ACYP2: variants seen among roughly 807,000 people sequenced by gnomAD.
The protein encoded by ACYP2 is acylphosphatase 2.
ACYP2 carries 12 observed loss-of-function variants against 11.2 expected under a neutral mutation model. The observed-to-expected ratio is 1.08, with a 90% CI of 0.69 to 1.74. ACYP2 has a LOEUF of 1.74. Among genes scored for constraint, ACYP2 ranks in the 40% most tolerant of loss-of-function variants. The pLI is 0.00. For missense variants in ACYP2, 134 were observed against 101.9 expected, an observed-to-expected ratio of 1.31 and a Z score of -1.35; for synonymous variants, 43 against 32.2, an observed-to-expected ratio of 1.33 and a Z score of -1.13.
chr2:54,033,568 T>C (rs1674709899), intron 2 of ACYP2, among the ~76,000 whole-genome samples: 1 of 152,112 alleles, frequency 6.6e-6, no homozygotes, highest in South Asian at 2.1e-4. Context: ...ATGATGAAAA[T>C]TGTGTGTTAT....
intron 6 of ACYP2, among the ~76,000 whole-genome samples, chr2:54,159,737 G>C (rs1447037414): frequency 6.6e-6 from 1 of 152,024 alleles, no homozygotes; most frequent in African/African-American, 2.4e-5. Flanking sequence ...CAGCACAGTG[G>C]GAAGAGTGCT....
chr2:54,165,533 T>TCACA lies in ACYP2; in HGVS notation c.404+26786_404+26787insACAC, dbSNP rs1326165242. ...CTCTTTCACTCTCTCTCTCTCTCTC[T>TCACA]CTCACACACACACACACACACACAC... On this transcript the variant is annotated intron_variant, in intron 6 of 6. Transcript: ENST00000607452. Among the ~76,000 whole-genome samples the TCACA allele has an allele frequency of 2.4e-3, 299 of 123,718 alleles. 1 individual carries two copies. Among genetic ancestry groups the TCACA allele is most frequent in the Middle Eastern group, 0.02 (5 of 244 alleles). The allele number at this position is 123,718 out of a possible 152,430, so 81.2% of individuals were successfully genotyped here. A position where few individuals can be genotyped will look rare whatever the true frequency, so the allele number is the denominator to read the frequency against.
At chr2:54,073,355 T>C (rs1172409156) in intron 4 of ACYP2, among the ~76,000 whole-genome samples, 1 of 149,456 alleles carries the variant, frequency 6.7e-6, no homozygotes, top group African/African-American at 2.5e-5. Flanking sequence ...AGGGAGACCA[T>C]ACCTAAGGAA....
intron 2 of ACYP2, among the ~76,000 whole-genome samples, chr2:54,033,586 T>G (rs773977269): frequency 6.6e-6 from 1 of 152,158 alleles, no homozygotes; most frequent in Non-Finnish European, 1.5e-5. Context: ...TATATAAGGT[T>G]TTGCCTAATG....
At chr2:54,285,121 A>T (rs544504474) in intron 6 of ACYP2, among the ~76,000 whole-genome samples, 7 of 152,316 alleles carry the variant, frequency 4.6e-5, no homozygotes, top group African/African-American at 1.7e-4. Context: ...ATATGGTGGA[A>T]GGGGCTGACA....
Position 54,233,783 on chromosome 2 carries a change from T to C in ACYP2, c.405-70905T>C, listed in dbSNP as rs148356843. Among the ~76,000 whole-genome samples the C allele has an allele frequency of 4.8e-3, 738 of 152,192 alleles. 11 individuals are homozygous for C. Among genetic ancestry groups the C allele is most frequent in the African/African-American group, 0.017 (703 of 41,514 alleles). ...ACCAGTTTGATCATTATGTATTAGC[T>C]CTCTCTCTTACATTAAGGGAACTTC... is the stretch of plus-strand genomic sequence containing the variant. On this transcript the variant is annotated intron_variant, in intron 6 of 6. Coordinates refer to ENST00000607452, the MANE Select transcript of ACYP2 (RefSeq NM_001320586.2).
intron 2 of ACYP2, among the ~76,000 whole-genome samples, chr2:54,018,330 C>A (rs377282350): frequency 1.3e-5 from 2 of 152,040 alleles, no homozygotes; most frequent in East Asian, 1.9e-4. Context: ...GATTCAGGGA[C>A]CATACTTGAG....
At chr2:54,304,218 C>CTGTGTGTGTGTG (rs10531789) in intron 6 of ACYP2, among the ~76,000 whole-genome samples, 7 of 149,266 alleles carry the variant, frequency 4.7e-5, no homozygotes, top group African/African-American at 1.7e-4. Flanking sequence ...ATATATATGT[C>CTGTGTGTGTGTG]TGTGTGTGTG....
chr2:54,192,124 A>AC (rs1684263502), intron 6 of ACYP2, among the ~76,000 whole-genome samples: 2 of 152,198 alleles, frequency 1.3e-5, no homozygotes, highest in South Asian at 4.1e-4. Flanking sequence ...ATGGAGAAAA[A>AC]AATTTAGGAT....
At chr2:54,164,332 A>G (rs1467745316) in intron 6 of ACYP2, among the ~76,000 whole-genome samples, 1 of 152,120 alleles carries the variant, frequency 6.6e-6, no homozygotes, top group African/African-American at 2.4e-5. Context: ...CAGGCTTTTG[A>G]GTTTTGACTT....
At chr2:54,115,389 G>T (rs1262362055) in intron 4 of ACYP2, 3 of 585,184 alleles carry the variant, frequency 5.1e-6, no homozygotes, top group East Asian at 6.7e-5. Context: ...TTTGAGAACA[G>T]AGTACCTTGA....
intron 4 of ACYP2, among the ~76,000 whole-genome samples, chr2:54,063,509 G>T (rs1481863691): frequency 6.6e-6 from 1 of 152,156 alleles, no homozygotes; most frequent in Non-Finnish European, 1.5e-5. Flanking sequence ...TTTGACCCAG[G>T]AGAGGCATCA....
At chr2:54,038,155 T>G (rs1675010490) in intron 2 of ACYP2, among the ~76,000 whole-genome samples, 1 of 152,164 alleles carries the variant, frequency 6.6e-6, no homozygotes, top group African/African-American at 2.4e-5. Flanking sequence ...GAGGACAGAT[T>G]TATTCTAACC....
At chr2:54,208,767 C>T (rs542499921) in intron 6 of ACYP2, among the ~76,000 whole-genome samples, 1 of 151,568 alleles carries the variant, frequency 6.6e-6, no homozygotes, top group African/African-American at 2.4e-5. Context: ...GAAAAATTGT[C>T]ATATGCATAC....
chr2:54,221,594 C>T (rs1685805169), intron 6 of ACYP2, among the ~76,000 whole-genome samples: 1 of 145,316 alleles, frequency 6.9e-6, no homozygotes, highest in Non-Finnish European at 1.5e-5. Context: ...AATCTTGGCT[C>T]AAAGTAACCT....
intron 2 of ACYP2, among the ~76,000 whole-genome samples, chr2:53,989,773 C>T (rs904075125): frequency 6.6e-6 from 1 of 152,068 alleles, no homozygotes; most frequent in African/African-American, 2.4e-5. Context: ...AGCAGTTTGG[C>T]ATTGAGGCTG....
intron 6 of ACYP2, among the ~76,000 whole-genome samples, chr2:54,260,187 G>C (rs989172923): frequency 6.6e-6 from 1 of 152,132 alleles, no homozygotes; most frequent in East Asian, 1.9e-4. Flanking sequence ...CTAGTAAACA[G>C]GTAGAAGTGA....
chr2:54,201,636 C>CTTTCTTTCTTTCTTTCTCTTTCTT (rs59874821), intron 6 of ACYP2, among the ~76,000 whole-genome samples: 3 of 93,662 alleles, frequency 3.2e-5, no homozygotes, highest in African/African-American at 1.3e-4. Flanking sequence ...TTCTTTCTTT[C>CTTTCTTTCTTTCTTTCTCTTTCTT]TCTTTCTTTC....
At chr2:54,046,743 G>T (rs1190042236) in intron 2 of ACYP2, among the ~76,000 whole-genome samples, 1 of 152,154 alleles carries the variant, frequency 6.6e-6, no homozygotes, top group Non-Finnish European at 1.5e-5. Flanking sequence ...GCACCCGTTG[G>T]TTCAATGCCT....
Sources: gnomAD v4.1 joint callset for allele counts (sites outside exome capture counted in the v4.1 genomes callset) on GRCh38, gnomAD v4.1.1 for gene constraint, MANE v1.5 for transcripts, NCBI Gene and HGNC (gene_info 2026-07-23, HGNC 2026-07-21) for gene names.